Variants in SATB2 observed in about 807,000 individuals in gnomAD.
SATB2 encodes the protein DNA-binding protein SATB2.
A neutral mutation model predicts 73.4 loss-of-function variants in SATB2; 1 was observed. The ratio of observed to expected loss-of-function variants is 0.01; its 90% CI spans 0.00 to 0.06. The LOEUF is 0.06. Ranked by LOEUF, SATB2 falls within the 10% of genes least tolerant of loss-of-function variation. The pLI is 1.00. For synonymous variants in SATB2, 397 were observed against 367.0 expected, an observed-to-expected ratio of 1.08 and a Z score of -0.93; for missense variants, 459 against 945.8, an observed-to-expected ratio of 0.49 and a Z score of 6.75.
intron 10 of SATB2, among the ~76,000 whole-genome samples, chr2:199,280,014 G>A (rs1271308582): frequency 2.6e-5 from 4 of 152,172 alleles, no homozygotes; most frequent in African/African-American, 4.8e-5. Context: ...GGTGGCACGC[G>A]CCTGTAATCC....
upstream of SATB2, among the ~76,000 whole-genome samples, chr2:199,469,138 C>G (rs1692652925): frequency 6.6e-6 from 1 of 152,186 alleles, no homozygotes; most frequent in South Asian, 2.1e-4. Flanking sequence ...CCCCTAATCC[C>G]GGAGGAAGGG....
chr2:199,462,324 T>C (rs1263118156), upstream of SATB2, among the ~76,000 whole-genome samples: 2 of 152,108 alleles, frequency 1.3e-5, no homozygotes, highest in Non-Finnish European at 2.9e-5. This position sits in a 1 kb window ranked among gnomAD's most constrained non-coding sequence, Gnocchi z 5.9. Context: ...CTGAAGCCAA[T>C]TTCCGCCGCG....
At chr2:199,317,420 T>C (rs1687766998) in intron 9 of SATB2, among the ~76,000 whole-genome samples, 1 of 152,016 alleles carries the variant, frequency 6.6e-6, no homozygotes, top group Admixed American at 6.6e-5. Context: ...GGCAACCTAA[T>C]TTACTTCAAA....
intron 3 of SATB2, among the ~76,000 whole-genome samples, chr2:199,429,911 A>G (rs1691449745): frequency 6.6e-6 from 1 of 152,242 alleles, no homozygotes; most frequent in Non-Finnish European, 1.5e-5. Flanking sequence ...CTCCGTCTCG[A>G]AATAAATTAA....
intron 10 of SATB2, among the ~76,000 whole-genome samples, chr2:199,279,244 G>A (rs1039214851): frequency 6.6e-6 from 1 of 152,174 alleles, no homozygotes; most frequent in African/African-American, 2.4e-5. Flanking sequence ...ATGGACACAT[G>A]TTGTTTCTCT....
rs67882050 is a variant in SATB2 at position 199,270,510 on chromosome 2, CA to C, written c.*1700del. ...GACAAGGTTTTGTGAAAGCACAACT[CA>C]AAAAAAAAAAAAAAATCCAACCATG... On this transcript the variant is annotated 3_prime_UTR_variant, in exon 11 of 11. Coordinates refer to ENST00000417098, the MANE Select transcript of SATB2 (RefSeq NM_001172509.2). 6.8e-4 allele frequency: 94 copies of C among 137,960 alleles called. No individual in the cohort carries two copies. The highest frequency in any genetic ancestry group is 2.8e-3 in the East Asian group (14 of 4,924). 8.5% of individuals were successfully genotyped at this position (137,960 alleles called of 1,614,324 possible).
intron 3 of SATB2, among the ~76,000 whole-genome samples, chr2:199,388,988 T>C (rs369175893): frequency 6.6e-6 from 1 of 152,170 alleles, no homozygotes. Context: ...CTGTCTATCC[T>C]ATATAATAAG....
chr2:199,380,965 C>T (rs1298810730), intron 4 of SATB2, among the ~76,000 whole-genome samples: 1 of 152,146 alleles, frequency 6.6e-6, no homozygotes, highest in Non-Finnish European at 1.5e-5. Flanking sequence ...TTCATAGACA[C>T]AGATGGGAAT....
chr2:199,409,924 A>G (rs974306058), intron 3 of SATB2, among the ~76,000 whole-genome samples: 1 of 152,182 alleles, frequency 6.6e-6, no homozygotes, highest in Admixed American at 6.6e-5. Flanking sequence ...ACAAATCAAC[A>G]AAGAATGAGG....
intron 3 of SATB2, among the ~76,000 whole-genome samples, chr2:199,385,657 A>C (rs1219359556): frequency 6.6e-6 from 1 of 152,204 alleles, no homozygotes; most frequent in Non-Finnish European, 1.5e-5. Flanking sequence ...CAAGTAGCAG[A>C]GCTCAGATTC....
chr2:199,273,879 T>C (rs1692234274), intron 10 of SATB2, among the ~76,000 whole-genome samples: 1 of 152,180 alleles, frequency 6.6e-6, no homozygotes, highest in Non-Finnish European at 1.5e-5. Context: ...CAGGCCTATG[T>C]GAGAAGGACT....
chr2:199,321,192 C>T (rs930616), intron 9 of SATB2, among the ~76,000 whole-genome samples: 95,257 of 151,670 alleles, frequency 0.63, 32,753 homozygotes, highest in Non-Finnish European at 0.77. Flanking sequence ...AAGGTTAAGT[C>T]CTATGATTAG....
chr2:199,424,242 T>C (rs1559046435), intron 3 of SATB2, among the ~76,000 whole-genome samples: 1 of 152,202 alleles, frequency 6.6e-6, no homozygotes, highest in East Asian at 1.9e-4. Context: ...AAAAGAAACC[T>C]GCATTTCAAA....
At chr2:199,376,317 A>C (rs1220468415) in intron 5 of SATB2, among the ~76,000 whole-genome samples, 1 of 152,226 alleles carries the variant, frequency 6.6e-6, no homozygotes, top group Non-Finnish European at 1.5e-5. Context: ...AACTGCCAAG[A>C]ACACTGTAAT....
At chr2:199,415,053 T>C (rs1335515598) in intron 3 of SATB2, among the ~76,000 whole-genome samples, 1 of 152,062 alleles carries the variant, frequency 6.6e-6, no homozygotes, top group Admixed American at 6.6e-5. Context: ...ATAGAATGAG[T>C]GCAACAGAGA....
At position 199,463,633 on chromosome 2, in the gene SATB2, C is replaced by T. The variant is rs934507417; in HGVS notation, c.-141+1203G>A. Among the ~76,000 whole-genome samples the T allele has an allele frequency of 6.6e-6, 1 of 152,286 alleles. No individual in the cohort carries two copies. Among genetic ancestry groups the T allele is most frequent in the East Asian group, 1.9e-4 (1 of 5,158 alleles). On this transcript the variant is annotated intron_variant, in intron 1 of 11. Coordinates refer to the SATB2 transcript ENST00000260926. The surrounding 1 kb of genome is among the most constrained non-coding windows in gnomAD (Gnocchi z 6.4). ...CTGCCGGTCGCGTCCCGGAGCCAAC[C>T]CTTCCGCGTCGCCTGCAGTCCACGG...
chr2:199,344,456 T>C (rs767646604), intron 7 of SATB2, among the ~76,000 whole-genome samples: 3 of 152,198 alleles, frequency 2.0e-5, no homozygotes, highest in Non-Finnish European at 4.4e-5. Context: ...GAGTGATGTC[T>C]GGAACATGTG....
intron 9 of SATB2, among the ~76,000 whole-genome samples, chr2:199,315,544 A>G (rs1404040108): frequency 1.3e-5 from 2 of 152,046 alleles, no homozygotes; most frequent in African/African-American, 4.8e-5. Context: ...CTGAAATGCC[A>G]CTGCATACAA....
intron 6 of SATB2, among the ~76,000 whole-genome samples, chr2:199,349,513 G>A (rs1688753268): frequency 6.6e-6 from 1 of 152,086 alleles, no homozygotes; most frequent in Admixed American, 6.5e-5. Flanking sequence ...ATCAACCTTT[G>A]TTATAAAAGC....
Sources: allele counts gnomAD v4.1 joint callset (sites outside exome capture counted in the v4.1 genomes callset), GRCh38; gene constraint gnomAD v4.1.1; non-coding constraint Gnocchi (gnomAD v3.1); transcripts MANE v1.5; gene names NCBI Gene and HGNC (gene_info 2026-07-23, HGNC 2026-07-21).